The following ABCC12 variants were observed in gnomAD, a reference collection of about 807,000 sequenced individuals.
ABCC12 encodes ATP binding cassette subfamily C member 12.
A neutral mutation model predicts 151.1 loss-of-function variants in ABCC12; 142 were observed. That is an observed-to-expected ratio of 0.94 (90% CI 0.82 to 1.08). The LOEUF is 1.08. Ranked by LOEUF, ABCC12 falls within the 50% of genes least tolerant of loss-of-function variation. The pLI is 0.00. For synonymous variants in ABCC12, 645 were observed against 646.4 expected, an observed-to-expected ratio of 1.00 and a Z score of 0.03; for missense variants, 1,638 against 1,691.1, an observed-to-expected ratio of 0.97 and a Z score of 0.55.
chr16:48,093,493 C>T (rs1019963652), intron 24 of ABCC12, among the ~76,000 whole-genome samples: 1 of 152,188 alleles, frequency 6.6e-6, no homozygotes, highest in Non-Finnish European at 1.5e-5. Flanking sequence ...GCTTCCCCTT[C>T]CGACAGCCAC....
chr16:48,118,315 A>G (rs931033282), intron 13 of ABCC12, among the ~76,000 whole-genome samples: 1 of 152,082 alleles, frequency 6.6e-6, no homozygotes, highest in Non-Finnish European at 1.5e-5. Context: ...AACCTCACTC[A>G]TACAGCCCCC....
intron 22 of ABCC12, among the ~76,000 whole-genome samples, chr16:48,103,680 G>A (rs148508571): frequency 1.2e-4 from 18 of 152,238 alleles, no homozygotes; most frequent in East Asian, 1.9e-4. Flanking sequence ...GCAGGGAGCC[G>A]GGCAGGTCTC....
intron 29 of ABCC12, 80 bp from the exon 30 acceptor site, chr16:48,084,153 A>C: frequency 2.9e-6 from 4 of 1,380,594 alleles, no homozygotes; most frequent in Non-Finnish European, 3.9e-6. Context: ...CTTTAAAAAA[A>C]AGAAGAAGAA....
At chr16:48,095,603 T>A (rs1296003795) in intron 24 of ABCC12, among the ~76,000 whole-genome samples, 1 of 142,504 alleles carries the variant, frequency 7.0e-6, no homozygotes, top group Admixed American at 7.1e-5. Context: ...TAACAAAAAT[T>A]CCCAAGATAA....
rs765851001 is a variant in ABCC12, at chr16:48,100,896, C to A, written c.3014G>T (p.Gly1005Val). 7 of 1,614,014 alleles carry A rather than the reference C, an allele frequency of 4.3e-6. No homozygotes were observed. The East Asian group carries it at 1.6e-4, about 36-fold the overall frequency. ...CTAGGTGATGCAGCTCTCCTTCTTG[C>A]CATAGGCGTGAATGATGCCCAGGCC... Reference protein sequence around the residue: ...MQGLGIIHAYGKKESCITYHL... With the variant: ...MQGLGIIHAYVKKESCITYHL... The change falls in exon 23 of 31, where the codon GGC (glycine) becomes GTC (valine). Residue 1005 changes from glycine (G) to valine (V), a missense_variant. By Grantham distance (109) the Gly-to-Val change is moderately radical. Transcript: ENST00000311303.
intron 22 of ABCC12, 57 bp from the exon 23 acceptor site, chr16:48,101,066 G>A (rs1003297065): frequency 3.8e-5 from 60 of 1,587,334 alleles, no homozygotes; most frequent in Admixed American, 7.0e-5. Context: ...CATCAGGCTT[G>A]CCCTCACACA....
chr16:48,141,339 C>T lies in ABCC12; in HGVS notation c.290G>A (p.Trp97Ter), dbSNP rs148766183. 2 of 1,613,934 alleles carry T rather than the reference C, an allele frequency of 1.2e-6. No individual in the cohort carries two copies. Among genetic ancestry groups the T allele is most frequent in the African/African-American group, 2.7e-5 (2 of 74,828 alleles). ...DTNAKRFRVL[W>*]DEEVARVGPE... ...ACCCACCCTTGCTACCTCTTCATCC[C>T]AAAGGACTCGAAATCTGTGATGAAA... Residue 97 changes from tryptophan (W) to a stop codon, truncating the protein, a stop_gained, in exon 5 of 31, where the codon TGG becomes TAG. Transcript: ENST00000311303. LOFTEE classifies it high-confidence loss of function.
chr16:48,144,656 CT>C (rs1267253178), intron 3 of ABCC12, among the ~76,000 whole-genome samples: 3 of 152,126 alleles, frequency 2.0e-5, no homozygotes, highest in East Asian at 3.9e-4. Context: ...CTCACTTTGC[CT>C]TTTCCTCCTT....
intron 27 of ABCC12, 38 bp downstream of exon 27, chr16:48,087,888 T>G: frequency 6.3e-7 from 1 of 1,594,654 alleles, no homozygotes. Context: ...GATTTCACTC[T>G]CCAAAAATAG....
intron 13 of ABCC12, chr16:48,121,248 C>T (rs1463153112): frequency 6.6e-6 from 1 of 152,214 alleles, no homozygotes; most frequent in Non-Finnish European, 1.5e-5. Context: ...ATAAGTTGAG[C>T]TTTGTTTTTA....
Position 48,112,773 on chromosome 16 carries a change from G to A in ABCC12, c.1990-863C>T, listed in dbSNP as rs142586722. 7.4e-3 allele frequency among the ~76,000 whole-genome samples: 1,124 copies of A among 152,120 alleles called. 15 individuals are homozygous for A. Among genetic ancestry groups the A allele is most frequent in the African/African-American group, 0.026 (1,073 of 41,494 alleles). ...ATTTAGCCCAGGAGAAGCAGACCAC[G>A]GTGTGGTCTCCAGGCAAGAGGCCAC... On this transcript the variant is annotated intron_variant, in intron 15 of 30. Coordinates refer to ENST00000311303, the MANE Select transcript of ABCC12 (RefSeq NM_001393797.1).
intron 24 of ABCC12, 63 bp downstream of exon 24, chr16:48,096,683 C>T (rs982414332): frequency 6.4e-7 from 1 of 1,560,322 alleles, no homozygotes; most frequent in Non-Finnish European, 8.8e-7. Flanking sequence ...TCCAAAAGCA[C>T]CCTCGCTGAT....
At chr16:48,115,182 C>T (rs1342228360) in intron 15 of ABCC12, among the ~76,000 whole-genome samples, 2 of 152,148 alleles carry the variant, frequency 1.3e-5, no homozygotes, top group Non-Finnish European at 2.9e-5. Flanking sequence ...GAGAATCTAC[C>T]CTCTGGTGCA....
At chr16:48,123,600 AT>A (rs1009601032) in intron 12 of ABCC12, among the ~76,000 whole-genome samples, 1 of 151,976 alleles carries the variant, frequency 6.6e-6, no homozygotes, top group Non-Finnish European at 1.5e-5. Flanking sequence ...AGGACTTAGC[AT>A]TTTTTTTCCA....
chr16:48,100,925 C>T lies in ABCC12; in HGVS notation c.2985G>A (p.Met995Ile), dbSNP rs781187471. The T allele has an allele frequency of 4.3e-6, 7 of 1,614,216 alleles. No homozygotes were observed. In the South Asian group the frequency reaches 7.7e-5, roughly 18 times the overall value. The part of the protein sequence containing the change: ...SPWFTHITSS[M>I]QGLGIIHAYG... Reference sequence around the variant, plus strand: ...AGGCGTGAATGATGCCCAGGCCCTGCATGGAGGAGGTGATGTGGGTGAACC... The same window carrying T: ...AGGCGTGAATGATGCCCAGGCCCTGTATGGAGGAGGTGATGTGGGTGAACC... The change falls in exon 23 of 31, where the codon ATG becomes ATA. Residue 995 changes from methionine (M) to isoleucine (I), a missense_variant. By Grantham distance (10) the Met-to-Ile change is conservative (BLOSUM62 1). Transcript: ENST00000311303.
chr16:48,137,005 A>T (rs1964632906), intron 8 of ABCC12, among the ~76,000 whole-genome samples: 1 of 152,198 alleles, frequency 6.6e-6, no homozygotes, highest in East Asian at 1.9e-4. Flanking sequence ...GTGTGATAAG[A>T]AGCCACTATT....
At chr16:48,100,760 C>T in intron 23 of ABCC12, 112 bp downstream of exon 23, 2 of 1,314,068 alleles carry the variant, frequency 1.5e-6, no homozygotes, top group Non-Finnish European at 2.0e-6. Flanking sequence ...TCTTCCAGCT[C>T]TTTGTCTGTG....
chr16:48,154,198 G>T (rs1456900228), intron 1 of ABCC12, among the ~76,000 whole-genome samples: 1 of 152,160 alleles, frequency 6.6e-6, no homozygotes, highest in African/African-American at 2.4e-5. Context: ...TAGCAGGCAG[G>T]GGGTTCCTAA....
intron 24 of ABCC12, among the ~76,000 whole-genome samples, chr16:48,092,142 G>C (rs554463726): frequency 6.6e-6 from 1 of 152,196 alleles, no homozygotes; most frequent in South Asian, 2.1e-4. Flanking sequence ...CCTTGAGTGC[G>C]GGCATCTGAC....
Sources: allele counts gnomAD v4.1 joint callset (sites outside exome capture counted in the v4.1 genomes callset), GRCh38; gene constraint gnomAD v4.1.1; transcripts MANE v1.5; gene names NCBI Gene and HGNC (gene_info 2026-07-23, HGNC 2026-07-21).